NUDT13: variants seen among roughly 807,000 people sequenced by gnomAD.
NUDT13 encodes the protein nudix hydrolase 13, also known as NAD(P)H pyrophosphatase NUDT13, mitochondrial.
In NUDT13, 40 loss-of-function variants were observed where a neutral mutation model predicts 41.7. The ratio of observed to expected loss-of-function variants is 0.96; its 90% CI spans 0.75 to 1.25. The LOEUF (loss-of-function observed/expected upper bound fraction) is 1.25, where lower values mean the gene tolerates loss of function less well. NUDT13 is among the 50% of genes most tolerant of loss of function. The pLI, the probability that NUDT13 is intolerant of heterozygous loss-of-function variation, is 0.00. For missense variants in NUDT13, 390 were observed against 416.1 expected, an observed-to-expected ratio of 0.94 and a Z score of 0.55; for synonymous variants, 145 against 155.5, an observed-to-expected ratio of 0.93 and a Z score of 0.50.
At chr10:73,116,637 G>C (rs1479627473) in intron 2 of NUDT13, among the ~76,000 whole-genome samples, 1 of 151,972 alleles carries the variant, frequency 6.6e-6, no homozygotes, top group African/African-American at 2.4e-5. Flanking sequence ...AGCTACTCAG[G>C]AGGCTGAGGT....
intron 2 of NUDT13, chr10:73,119,482 T>G (rs1165833346): frequency 1.0e-6 from 1 of 985,652 alleles, no homozygotes; most frequent in Non-Finnish European, 1.2e-6. Context: ...ATACAGTGTT[T>G]ACTCTTTGTC....
At position 73,114,338 on chromosome 10, in the gene NUDT13, C is replaced by CT. The variant is rs1205079064; in HGVS notation, c.-9-19_-9-18insT. On this transcript the variant is annotated intron_variant, in intron 1 of 8. Coordinates refer to ENST00000357321, the MANE Select transcript of NUDT13 (RefSeq NM_015901.6). ...TCATATTATGACTTTTTTTAAAACT[C>CT]CTTTTTTTTTTTTTTAAGGACCTGA... 5 of 1,167,930 alleles carry CT rather than the reference C, an allele frequency of 4.3e-6. No homozygotes were observed. Among genetic ancestry groups the CT allele is most frequent in the African/African-American group, 1.7e-5 (1 of 58,658 alleles). The allele number at this position is 1,167,930 out of a possible 1,614,324, so 72.3% of individuals were successfully genotyped here.
intron 8 of NUDT13, among the ~76,000 whole-genome samples, chr10:73,128,042 T>G (rs1201285564): frequency 6.6e-6 from 1 of 152,212 alleles, no homozygotes; most frequent in African/African-American, 2.4e-5. Context: ...ATATTTGTCT[T>G]TCTGTGTCTG....
intron 8 of NUDT13, among the ~76,000 whole-genome samples, chr10:73,128,725 AG>A (rs1261144460): frequency 2.0e-5 from 3 of 152,192 alleles, no homozygotes; most frequent in African/African-American, 7.2e-5. Context: ...CTGACTCTGC[AG>A]AAGCTTTAGT....
intron 6 of NUDT13, 21 bp downstream of exon 6, chr10:73,125,264 A>G (rs1190574040): frequency 6.2e-7 from 1 of 1,606,618 alleles, no homozygotes. Context: ...CTGTAAGAGG[A>G]CAGTAATCCA....
intron 8 of NUDT13, among the ~76,000 whole-genome samples, chr10:73,127,343 C>A (rs577004630): frequency 1.3e-5 from 2 of 151,926 alleles, no homozygotes; most frequent in Non-Finnish European, 2.9e-5. Context: ...CGCGCTACTG[C>A]ACTCCAGCCT....
At chr10:73,123,459 C>A (rs7914726) in intron 4 of NUDT13, among the ~76,000 whole-genome samples, 23,872 of 151,838 alleles carry the variant, frequency 0.16, 3,133 homozygotes, top group African/African-American at 0.34. Context: ...CTCTTTTCCA[C>A]GGATAAGCTA....
chr10:73,121,415 ATTT>A (rs2133215825), intron 3 of NUDT13, among the ~76,000 whole-genome samples: 2 of 152,300 alleles, frequency 1.3e-5, no homozygotes, highest in African/African-American at 4.8e-5. Context: ...ACTAAACATT[ATTT>A]AGAGATTTAG....
At chr10:73,129,877 G>T (rs1842874873) in intron 8 of NUDT13, among the ~76,000 whole-genome samples, 1 of 151,686 alleles carries the variant, frequency 6.6e-6, no homozygotes, top group Non-Finnish European at 1.5e-5. Flanking sequence ...CTACTCGGGA[G>T]GCTGAGGCAG....
chr10:73,127,237 G>A (rs888837054), intron 8 of NUDT13, among the ~76,000 whole-genome samples: 14 of 152,122 alleles, frequency 9.2e-5, no homozygotes, highest in East Asian at 2.0e-4. Flanking sequence ...AAATTGGCTC[G>A]GCATGGTGGC....
chr10:73,125,163 A>C lies in NUDT13; in HGVS notation c.511A>C (p.Arg171=). The C allele has an allele frequency of 6.2e-7, 1 of 1,613,666 alleles. No homozygotes were observed. The highest frequency in any genetic ancestry group is 8.5e-7 in the Non-Finnish European group (1 of 1,179,906). Residue 171 remains arginine, a synonymous_variant, in exon 6 of 9, where the codon AGA becomes CGA. Coordinates refer to ENST00000357321, the MANE Select transcript of NUDT13 (RefSeq NM_015901.6). ...GCATGATGCTCATCAGTTCTGCAGCAGAAGTGGGCAGCCCACCAAGAAGAA... is the reference window on the plus strand; with the variant it reads ...GCATGATGCTCATCAGTTCTGCAGCCGAAGTGGGCAGCCCACCAAGAAGAA... ...RWHDAHQFCS[R]SGQPTKKNVA...
chr10:73,130,753 T>TG lies in NUDT13; in HGVS notation c.910dup (p.Glu304GlyfsTer27). On this transcript the variant is annotated frameshift_variant, in exon 9 of 9. Coordinates refer to ENST00000357321, the MANE Select transcript of NUDT13 (RefSeq NM_015901.6). LOFTEE classifies it high-confidence loss of function. ...AGACAGCTGCCTGGTTCAGTCATGATGAGGTAGCCACAGCCCTGAAGAGAA... is the reference window on the plus strand; with the variant it reads ...AGACAGCTGCCTGGTTCAGTCATGATGGAGGTAGCCACAGCCCTGAAGAGAA... The TG allele has an allele frequency of 6.2e-7, 1 of 1,613,820 alleles. No homozygotes were observed. Among genetic ancestry groups the TG allele is most frequent in the Non-Finnish European group, 8.5e-7 (1 of 1,179,780 alleles).
intron 3 of NUDT13, among the ~76,000 whole-genome samples, chr10:73,121,796 T>C (rs1842650912): frequency 6.6e-6 from 1 of 152,142 alleles, no homozygotes; most frequent in Non-Finnish European, 1.5e-5. Flanking sequence ...TGGCCTCAAG[T>C]GATCCTCCCT....
At chr10:73,124,969 T>G in intron 5 of NUDT13, 149 bp from the exon 6 acceptor site, 2 of 839,478 alleles carry the variant, frequency 2.4e-6, no homozygotes, top group South Asian at 5.1e-5. Context: ...TTACTTGTCC[T>G]GAAATTTAAA....
At chr10:73,126,931 AT>A in intron 8 of NUDT13, 104 bp downstream of exon 8, 1 of 1,009,610 alleles carries the variant, frequency 9.9e-7, no homozygotes, top group Non-Finnish European at 1.5e-6. Flanking sequence ...CATCATCTAG[AT>A]TACATAAACA....
At chr10:73,113,427 A>G (rs755027720) in intron 1 of NUDT13, among the ~76,000 whole-genome samples, 3 of 152,220 alleles carry the variant, frequency 2.0e-5, no homozygotes, top group Non-Finnish European at 2.9e-5. Context: ...CATTTTTTAT[A>G]GTATATCACA....
rs200833463 is a variant in NUDT13, at chr10:73,124,319, C to T, written c.464C>T (p.Thr155Met). The change falls in exon 5 of 9, where the codon ACG becomes ATG. Residue 155 changes from threonine (T) to methionine (M), a missense_variant and splice_region_variant. Coordinates refer to ENST00000357321, the MANE Select transcript of NUDT13 (RefSeq NM_015901.6). ...GCAAGGGATGCCTCCTTGCTGTCCA[C>T]GGTAGATTCTGATTTCTCATTCTGT... ...LNARDASLLS[T>M]AQALLRWHDA... 1.9e-4 allele frequency: 306 copies of T among 1,601,440 alleles called. No individual in the cohort carries two copies. The highest frequency in any genetic ancestry group is 5.0e-4 in the Middle Eastern group (3 of 6,030).
At chr10:73,119,109 G>A (rs1842580594) in intron 2 of NUDT13, among the ~76,000 whole-genome samples, 1 of 151,838 alleles carries the variant, frequency 6.6e-6, no homozygotes, top group South Asian at 2.1e-4. Context: ...GCAGTGGCGT[G>A]ATCTCTGCTT....
chr10:73,116,709 T>C (rs1842520579), intron 2 of NUDT13, among the ~76,000 whole-genome samples: 1 of 151,776 alleles, frequency 6.6e-6, no homozygotes, highest in Admixed American at 6.6e-5. Flanking sequence ...GTCATTGCAC[T>C]CTAGCCTGCA....
Sources: allele counts gnomAD v4.1 joint callset (sites outside exome capture counted in the v4.1 genomes callset), GRCh38; gene constraint gnomAD v4.1.1; transcripts MANE v1.5; gene names NCBI Gene and HGNC (gene_info 2026-07-23, HGNC 2026-07-21).